SLC6A11: variants seen among roughly 807,000 people sequenced by gnomAD.
The protein encoded by SLC6A11 is sodium- and chloride-dependent GABA transporter 3.
Under a neutral mutation model 74.8 loss-of-function variants are expected in SLC6A11, and 25 were observed. That is an observed-to-expected ratio of 0.33 (90% CI 0.24 to 0.47). SLC6A11 has a LOEUF of 0.47. Among genes scored for constraint, SLC6A11 ranks in the 20% least tolerant of loss-of-function variants. SLC6A11 has a pLI of 1.00. For missense variants in SLC6A11, 574 were observed against 837.0 expected (o/e 0.69, Z 3.88); for synonymous variants, 330 against 330.2 (o/e 1.00, Z 0.01).
At chr3:10,876,203 A>G (rs752443780) in intron 6 of SLC6A11, among the ~76,000 whole-genome samples, 2 of 151,992 alleles carry the variant, frequency 1.3e-5, no homozygotes, top group Non-Finnish European at 2.9e-5. Context: ...CAGAGTGGGA[A>G]GTTAGCTCAT....
chr3:10,936,520 C>A (rs1695761640), intron 13 of SLC6A11, among the ~76,000 whole-genome samples: 1 of 151,582 alleles, frequency 6.6e-6, no homozygotes, highest in African/African-American at 2.4e-5. Flanking sequence ...CTGCACCCAA[C>A]CCACCTGCCT....
intron 6 of SLC6A11, among the ~76,000 whole-genome samples, chr3:10,889,983 A>G (rs191340917): frequency 9.9e-4 from 151 of 152,348 alleles, no homozygotes; most frequent in Non-Finnish European, 3.7e-4. Context: ...TTCTAGAACT[A>G]CATTGTCCCA....
At chr3:10,894,538 A>G (rs555206829) in intron 6 of SLC6A11, among the ~76,000 whole-genome samples, 28 of 152,364 alleles carry the variant, frequency 1.8e-4, no homozygotes, top group African/African-American at 6.5e-4. Flanking sequence ...CAGGCAATGC[A>G]CAGAAAGACA....
chr3:10,827,261 G>A (rs1194758428), intron 4 of SLC6A11, among the ~76,000 whole-genome samples: 1 of 152,106 alleles, frequency 6.6e-6, no homozygotes, highest in Non-Finnish European at 1.5e-5. Flanking sequence ...ATTTTCCTAT[G>A]GAATAAATTA....
chr3:10,844,188 G>A, intron 4 of SLC6A11, 26 bp from the exon 5 acceptor site: 1 of 1,614,106 alleles, frequency 6.2e-7, no homozygotes, highest in Non-Finnish European at 8.5e-7. Flanking sequence ...CCCAGCCCCA[G>A]TGACTCTCCA....
intron 8 of SLC6A11, among the ~76,000 whole-genome samples, chr3:10,919,588 A>C (rs1695509236): frequency 6.6e-6 from 1 of 152,170 alleles, no homozygotes; most frequent in African/African-American, 2.4e-5. Flanking sequence ...CAAAGGAGGC[A>C]GCTGATCAGC....
chr3:10,899,144 C>T (rs1405202341), intron 6 of SLC6A11, among the ~76,000 whole-genome samples: 2 of 152,182 alleles, frequency 1.3e-5, no homozygotes, highest in African/African-American at 4.8e-5. Context: ...TGTGGGAGTA[C>T]AATTCAAGAT....
intron 10 of SLC6A11, among the ~76,000 whole-genome samples, chr3:10,930,497 G>A (rs1295046852): frequency 6.6e-6 from 1 of 152,136 alleles, no homozygotes; most frequent in African/African-American, 2.4e-5. Flanking sequence ...ATCAGTGTTG[G>A]AGCAAATAAA....
intron 5 of SLC6A11, among the ~76,000 whole-genome samples, chr3:10,860,627 C>T (rs984273117): frequency 6.6e-6 from 1 of 152,206 alleles, no homozygotes; most frequent in Admixed American, 6.5e-5. Context: ...TGGGCATGCC[C>T]ATTGGAACTG....
chr3:10,822,827 A>G (rs1195121910), intron 3 of SLC6A11, among the ~76,000 whole-genome samples: 1 of 152,196 alleles, frequency 6.6e-6, no homozygotes, highest in Non-Finnish European at 1.5e-5. Flanking sequence ...TCCTCCAATC[A>G]TCACGTCTTG....
At chr3:10,876,240 A>G (rs1453919446) in intron 6 of SLC6A11, among the ~76,000 whole-genome samples, 2 of 152,194 alleles carry the variant, frequency 1.3e-5, no homozygotes, top group Non-Finnish European at 2.9e-5. Context: ...CATGCCTTGC[A>G]GGGCCTTGAG....
At chr3:10,938,122 G>A (rs368460840) in intron 13 of SLC6A11, 128 bp from the exon 14 acceptor site, 28 of 835,998 alleles carry the variant, frequency 3.3e-5, no homozygotes, top group South Asian at 3.0e-4. Context: ...GGCCAAGCTG[G>A]GGCCCGGACC....
Position 10,938,485 on chromosome 3 carries a change from A to C in SLC6A11, c.*83A>C. On this transcript the variant is annotated 3_prime_UTR_variant, in exon 14 of 14. Transcript: ENST00000254488. ...ATTCCTGAACCCCATACTTCACCTAATGGTAGGGGCTTGCTTGTTTTGCAC... is the reference window on the plus strand; with the variant it reads ...ATTCCTGAACCCCATACTTCACCTACTGGTAGGGGCTTGCTTGTTTTGCAC... 2.2e-6 allele frequency: 3 copies of C among 1,389,154 alleles called. No homozygotes were observed. Among genetic ancestry groups the C allele is most frequent in the Non-Finnish European group, 2.9e-6 (3 of 1,020,068 alleles). The allele number at this position is 1,389,154 out of a possible 1,614,324, so 86.1% of individuals were successfully genotyped here.
intron 1 of SLC6A11, among the ~76,000 whole-genome samples, chr3:10,818,597 T>A (rs1694095114): frequency 6.6e-6 from 1 of 152,214 alleles, no homozygotes; most frequent in South Asian, 2.1e-4. Context: ...TCCTTACGGT[T>A]AAGGAGACTT....
At chr3:10,822,068 C>G (rs1055894487) in intron 3 of SLC6A11, among the ~76,000 whole-genome samples, 1 of 152,246 alleles carries the variant, frequency 6.6e-6, no homozygotes, top group Non-Finnish European at 1.5e-5. Flanking sequence ...AAACCTCTTT[C>G]TTCAACTGGT....
Position 10,938,490 on chromosome 3 carries a change from AG to A in SLC6A11, c.*92del, listed in dbSNP as rs1180466889. ...TGAACCCCATACTTCACCTAATGGT[AG>A]GGGCTTGCTTGTTTTGCACAGGATT... On this transcript the variant is annotated 3_prime_UTR_variant, in exon 14 of 14. Transcript: ENST00000254488. 7.2e-7 allele frequency: 1 copy of A among 1,383,514 alleles called. No homozygotes were observed. Among genetic ancestry groups the A allele is most frequent in the Admixed American group, 2.2e-5 (1 of 45,926 alleles). The allele number at this position is 1,383,514 out of a possible 1,614,324, so 85.7% of individuals were successfully genotyped here. A position where few individuals can be genotyped will look rare whatever the true frequency, so the allele number is the denominator to read the frequency against.
intron 3 of SLC6A11, among the ~76,000 whole-genome samples, chr3:10,821,631 T>C (rs1217720111): frequency 1.3e-5 from 2 of 152,260 alleles, no homozygotes; most frequent in African/African-American, 4.8e-5. Context: ...CATTTTCTGT[T>C]ATCACTTTAA....
Position 10,816,240 on chromosome 3 carries a change from C to T in SLC6A11, c.-26C>T, listed in dbSNP as rs1241613417. The T allele has an allele frequency of 2.3e-6, 3 of 1,289,082 alleles. No homozygotes were observed. Among genetic ancestry groups the T allele is most frequent in the African/African-American group, 1.6e-5 (1 of 63,808 alleles). The allele number at this position is 1,289,082 out of a possible 1,614,324, so 79.9% of individuals were successfully genotyped here. A position where few individuals can be genotyped will look rare whatever the true frequency, so the allele number is the denominator to read the frequency against. ...CCGGGGCGGCGGCGCAGAGCCGGGC[C>T]GGCGCACGAGGCAGCCAGCGCGGCC... On this transcript the variant is annotated 5_prime_UTR_variant, in exon 1 of 14. Coordinates refer to ENST00000254488, the MANE Select transcript of SLC6A11 (RefSeq NM_014229.3). The surrounding 1 kb of genome is among the most constrained non-coding windows in gnomAD (Gnocchi z 4.2).
intron 4 of SLC6A11, among the ~76,000 whole-genome samples, chr3:10,831,235 C>T (rs140747797): frequency 2.0e-5 from 3 of 152,158 alleles, no homozygotes; most frequent in Admixed American, 6.5e-5. Flanking sequence ...AGCAATAACC[C>T]GCGGCACTGG....
Sources: allele counts gnomAD v4.1 joint callset (sites outside exome capture counted in the v4.1 genomes callset), GRCh38; gene constraint gnomAD v4.1.1; non-coding constraint Gnocchi (gnomAD v3.1); transcripts MANE v1.5; gene names NCBI Gene and HGNC (gene_info 2026-07-23, HGNC 2026-07-21).